ASTN2: variants seen among roughly 807,000 people sequenced by gnomAD.
ASTN2 encodes the protein astrotactin-2.
ASTN2 carries 54 observed loss-of-function variants against 139.8 expected under a neutral mutation model. That is an observed-to-expected ratio of 0.39 (90% CI 0.31 to 0.48). The LOEUF (loss-of-function observed/expected upper bound fraction) is 0.48, where lower values mean the gene tolerates loss of function less well. ASTN2 is among the 20% of genes least tolerant of loss of function. The pLI is 0.95. For synonymous variants in ASTN2, 756 were observed against 719.5 expected, an observed-to-expected ratio of 1.05 and a Z score of -0.81; for missense variants, 1,565 against 1,725.1, an observed-to-expected ratio of 0.91 and a Z score of 1.64.
At chr9:116,754,841 T>G (rs989610504) in intron 13 of ASTN2, among the ~76,000 whole-genome samples, 1 of 152,190 alleles carries the variant, frequency 6.6e-6, no homozygotes, top group African/African-American at 2.4e-5. Flanking sequence ...CCAACAAGTG[T>G]GAACTTTGAC....
At chr9:117,325,118 T>C (rs1564147055) in intron 1 of ASTN2, among the ~76,000 whole-genome samples, 1 of 152,100 alleles carries the variant, frequency 6.6e-6, no homozygotes, top group Non-Finnish European at 1.5e-5. Context: ...CCATGTAACA[T>C]ATTTATTAAT....
intron 1 of ASTN2, among the ~76,000 whole-genome samples, chr9:117,406,173 C>T (rs1488283441): frequency 6.6e-6 from 1 of 152,304 alleles, no homozygotes; most frequent in African/African-American, 2.4e-5. Flanking sequence ...ATTAGCTGCT[C>T]ACAGGGTACA....
At chr9:116,663,304 T>G (rs1858671697) in intron 16 of ASTN2, among the ~76,000 whole-genome samples, 1 of 152,006 alleles carries the variant, frequency 6.6e-6, no homozygotes, top group African/African-American at 2.4e-5. Flanking sequence ...TTGGGGCCAG[T>G]AGGAGGCCAC....
At chr9:116,854,280 C>T (rs1832682459) in intron 11 of ASTN2, among the ~76,000 whole-genome samples, 1 of 152,186 alleles carries the variant, frequency 6.6e-6, no homozygotes, top group Non-Finnish European at 1.5e-5. Context: ...ATAATAGCAA[C>T]CATGTTTTGT....
chr9:117,087,026 C>T (rs1309510205), intron 5 of ASTN2, among the ~76,000 whole-genome samples: 3 of 152,070 alleles, frequency 2.0e-5, no homozygotes, highest in African/African-American at 7.2e-5. Context: ...GTCCTGGGGG[C>T]GTTCTCTGCA....
chr9:116,785,794 T>C (rs1830358276), intron 13 of ASTN2, among the ~76,000 whole-genome samples: 1 of 152,202 alleles, frequency 6.6e-6, no homozygotes, highest in Non-Finnish European at 1.5e-5. Context: ...CACAGTCGTC[T>C]GACATCTGGA....
At chr9:116,754,064 T>C (rs1056009252) in intron 13 of ASTN2, among the ~76,000 whole-genome samples, 2 of 150,454 alleles carry the variant, frequency 1.3e-5, no homozygotes, top group African/African-American at 4.9e-5. Context: ...ACGCGGTGTT[T>C]GGTTTTCTGT....
intron 20 of ASTN2, among the ~76,000 whole-genome samples, chr9:116,470,399 G>T (rs1848776535): frequency 1.3e-5 from 2 of 152,158 alleles, no homozygotes; most frequent in South Asian, 4.2e-4. Flanking sequence ...TAACTAGGAA[G>T]TTAGACTCTA....
At chr9:117,400,408 G>A (rs759261445) in intron 1 of ASTN2, among the ~76,000 whole-genome samples, 1 of 152,150 alleles carries the variant, frequency 6.6e-6, no homozygotes, top group South Asian at 2.1e-4. Flanking sequence ...GAGTGGGGGC[G>A]ATTCCCTAGA....
At chr9:117,273,863 T>A (rs1336899355) in intron 2 of ASTN2, among the ~76,000 whole-genome samples, 4 of 152,196 alleles carry the variant, frequency 2.6e-5, no homozygotes, top group Non-Finnish European at 5.9e-5. Context: ...CCAATTGACC[T>A]CCTGGTGCAG....
chr9:116,861,006 C>T (rs1256503185), intron 11 of ASTN2, among the ~76,000 whole-genome samples: 1 of 152,084 alleles, frequency 6.6e-6, no homozygotes, highest in Non-Finnish European at 1.5e-5. Context: ...TATTCTGAAG[C>T]ACAGAGAGGA....
intron 19 of ASTN2, among the ~76,000 whole-genome samples, chr9:116,575,056 T>C (rs1853669156): frequency 6.6e-6 from 1 of 152,182 alleles, no homozygotes; most frequent in Non-Finnish European, 1.5e-5. Flanking sequence ...GTACTTGCAA[T>C]TAGAACACCC....
intron 1 of ASTN2, among the ~76,000 whole-genome samples, chr9:117,324,998 G>T (rs559683819): frequency 6.6e-6 from 1 of 152,276 alleles, no homozygotes; most frequent in Non-Finnish European, 1.5e-5. Flanking sequence ...CTAAAGCTGG[G>T]AATTCTGAGA....
intron 19 of ASTN2, among the ~76,000 whole-genome samples, chr9:116,600,323 C>CAAAA (rs35224783): frequency 2.3e-4 from 27 of 118,964 alleles, no homozygotes; most frequent in Non-Finnish European, 3.0e-4. Flanking sequence ...GACCCTGTCT[C>CAAAA]AAAAAAAAAA....
At chr9:117,092,029 A>G (rs944183565) in intron 5 of ASTN2, among the ~76,000 whole-genome samples, 1 of 152,172 alleles carries the variant, frequency 6.6e-6, no homozygotes, top group Admixed American at 6.6e-5. Flanking sequence ...GGAGATACTC[A>G]TTATTTTAAT....
intron 10 of ASTN2, among the ~76,000 whole-genome samples, chr9:116,906,777 C>A (rs1238839453): frequency 6.6e-6 from 1 of 152,052 alleles, no homozygotes; most frequent in Non-Finnish European, 1.5e-5. Context: ...AGCCCAGAAT[C>A]AGAATATGGA....
chr9:116,441,267 T>C (rs911993603), intron 21 of ASTN2, among the ~76,000 whole-genome samples: 2 of 151,974 alleles, frequency 1.3e-5, no homozygotes, highest in Non-Finnish European at 2.9e-5. Context: ...CAAACTCTTC[T>C]GCTTGTTGTT....
At chr9:117,295,415 T>C (rs944442647) in intron 1 of ASTN2, among the ~76,000 whole-genome samples, 1 of 152,146 alleles carries the variant, frequency 6.6e-6, no homozygotes, top group Non-Finnish European at 1.5e-5. Context: ...ATTGTCTCTC[T>C]CTCCAGGAGA....
chr9:116,565,204 G>C (rs1853119589), intron 19 of ASTN2, among the ~76,000 whole-genome samples: 1 of 127,258 alleles, frequency 7.9e-6, no homozygotes, highest in Admixed American at 8.8e-5. Flanking sequence ...AAAATCCTTA[G>C]GCTTGCCACA....
Sources: gnomAD v4.1 joint callset for allele counts (sites outside exome capture counted in the v4.1 genomes callset) on GRCh38, gnomAD v4.1.1 for gene constraint, MANE v1.5 for transcripts, NCBI Gene and HGNC (gene_info 2026-07-23, HGNC 2026-07-21) for gene names.